The following WDR64 variants were observed in gnomAD, a reference collection of about 807,000 sequenced individuals.
WDR64 encodes WD repeat domain 64, also known as WD repeat-containing protein 64.
A neutral mutation model predicts 139.3 loss-of-function variants in WDR64; 112 were observed. The ratio of observed to expected loss-of-function variants is 0.80; its 90% CI spans 0.69 to 0.94. The LOEUF (loss-of-function observed/expected upper bound fraction) is 0.94, where lower values mean the gene tolerates loss of function less well. Ranked by LOEUF, WDR64 falls within the 40% of genes least tolerant of loss-of-function variation. The pLI is 0.00. For missense variants in WDR64, 1,206 were observed against 1,293.1 expected, an observed-to-expected ratio of 0.93 and a Z score of 1.03; for synonymous variants, 444 against 437.7, an observed-to-expected ratio of 1.01 and a Z score of -0.18.
chr1:241,704,535 C>G (rs1667860615), intron 8 of WDR64, among the ~76,000 whole-genome samples: 1 of 152,084 alleles, frequency 6.6e-6, no homozygotes. Context: ...TTATATGAGC[C>G]TTTCTACTTG....
At position 241,738,474 on chromosome 1, in the gene WDR64, G is replaced by C; in HGVS notation, c.1306G>C (p.Gly436Arg). 6.2e-7 allele frequency: 1 copy of C among 1,611,338 alleles called. No individual in the cohort carries two copies. Among genetic ancestry groups the C allele is most frequent in the Non-Finnish European group, 8.5e-7 (1 of 1,179,048 alleles). Residue 436 changes from glycine (G) to arginine (R), a missense_variant, in exon 11 of 28, where the codon GGC becomes CGC. Physicochemically the swap from Gly to Arg is moderately radical, Grantham distance 125. Coordinates refer to ENST00000437684, the MANE Select transcript of WDR64 (RefSeq NM_001367482.1). ...IYSMIYDANH[G>R]MLITGSSVMD... Reference sequence around the variant, plus strand: ...CTCTATGATATATGATGCCAATCATGGCATGCTTATTACGGGTAAGTGTAC... The same window carrying C: ...CTCTATGATATATGATGCCAATCATCGCATGCTTATTACGGGTAAGTGTAC...
In WDR64 at chr1:241,687,605, G is replaced by A; in HGVS notation, c.974+10G>A. ...GACTCGAGGATAATTTGTAAGTATAGTAATTTATATACATGAACAGTCTGT... is the reference window on the plus strand; with the variant it reads ...GACTCGAGGATAATTTGTAAGTATAATAATTTATATACATGAACAGTCTGT... On this transcript the variant is annotated intron_variant, in intron 8 of 27. Coordinates refer to ENST00000437684, the MANE Select transcript of WDR64 (RefSeq NM_001367482.1). 1.2e-6 allele frequency: 2 copies of A among 1,608,214 alleles called. No homozygotes were observed. The highest frequency in any genetic ancestry group is 1.7e-6 in the Non-Finnish European group (2 of 1,176,314).
intron 10 of WDR64, among the ~76,000 whole-genome samples, chr1:241,728,823 C>CTTCT (rs772463495): frequency 3.4e-5 from 5 of 148,630 alleles, no homozygotes; most frequent in African/African-American, 1.2e-4. Context: ...TTCTCTTCTT[C>CTTCT]TTTTTTTTTT....
intron 19 of WDR64, among the ~76,000 whole-genome samples, chr1:241,771,945 C>CATATACAT (rs1658462935): frequency 3.2e-5 from 2 of 62,420 alleles, no homozygotes; most frequent in Non-Finnish European, 5.4e-5. Context: ...TACATACATA[C>CATATACAT]ATATATATAT....
chr1:241,749,441 A>T (rs1349971660), intron 13 of WDR64, 106 bp from the exon 14 acceptor site: 1 of 1,325,534 alleles, frequency 7.5e-7, no homozygotes, highest in Non-Finnish European at 1.0e-6. Context: ...AATATAGGAT[A>T]AATTGTTGGC....
intron 5 of WDR64, 22 bp from the exon 6 acceptor site, chr1:241,679,463 C>T (rs1448880219): frequency 1.3e-6 from 2 of 1,541,996 alleles, no homozygotes; most frequent in Admixed American, 3.9e-5. Flanking sequence ...TTATATCCCC[C>T]AATTCTCTGC....
intron 2 of WDR64, among the ~76,000 whole-genome samples, chr1:241,670,792 T>G (rs1421128931): frequency 1.3e-5 from 2 of 152,134 alleles, no homozygotes; most frequent in Non-Finnish European, 2.9e-5. Context: ...CTTATGAGAA[T>G]CTAGTGCCTG....
chr1:241,795,704 C>A (rs1046926575), intron 26 of WDR64, among the ~76,000 whole-genome samples: 8 of 152,184 alleles, frequency 5.3e-5, no homozygotes, highest in Non-Finnish European at 1.0e-4. Flanking sequence ...CCCGTGCTGC[C>A]CCCCTGCCCA....
intron 9 of WDR64, among the ~76,000 whole-genome samples, chr1:241,713,455 A>C (rs1221176007): frequency 1.4e-5 from 2 of 143,796 alleles, no homozygotes; most frequent in African/African-American, 2.6e-5. Flanking sequence ...GAAAGGAAGG[A>C]AAGGAAGGAA....
intron 11 of WDR64, 41 bp downstream of exon 11, chr1:241,738,530 G>T: frequency 1.3e-6 from 2 of 1,569,442 alleles, no homozygotes; most frequent in South Asian, 2.4e-5. Context: ...CTCATGTCTT[G>T]ATTTTTAACC....
intron 8 of WDR64, among the ~76,000 whole-genome samples, chr1:241,695,167 A>G (rs1667435834): frequency 6.6e-6 from 1 of 152,256 alleles, no homozygotes; most frequent in Admixed American, 6.5e-5. Flanking sequence ...TATATAAGCT[A>G]GTAGTTCAAT....
chr1:241,663,360 T>G (rs915492693), intron 2 of WDR64, among the ~76,000 whole-genome samples: 4 of 152,218 alleles, frequency 2.6e-5, no homozygotes, highest in African/African-American at 7.2e-5. Flanking sequence ...TGAGGGGCCA[T>G]GTGCTCACAT....
Position 241,790,715 on chromosome 1 carries a change from AAAAAAAG to A in WDR64, c.2997+23_2997+29del. 6.5e-7 allele frequency: 1 copy of A among 1,546,956 alleles called. No homozygotes were observed. Among genetic ancestry groups the A allele is most frequent in the Non-Finnish European group, 8.7e-7 (1 of 1,147,022 alleles). ...TCCTAAGGTAGCTTAAAAAAAAAAAAAAAAAAGAAATGGCAACAACAACAAAACCTTT... is the reference window on the plus strand; with the variant it reads ...TCCTAAGGTAGCTTAAAAAAAAAAAAAAATGGCAACAACAACAAAACCTTT... On this transcript the variant is annotated intron_variant, in intron 25 of 27. Transcript: ENST00000437684.
At chr1:241,799,895 C>A (rs1047131269) in intron 27 of WDR64, among the ~76,000 whole-genome samples, 27 of 152,040 alleles carry the variant, frequency 1.8e-4, no homozygotes. Flanking sequence ...ATATAAAAAT[C>A]CATTTTTTCC....
intron 9 of WDR64, among the ~76,000 whole-genome samples, chr1:241,715,434 T>C (rs1337639567): frequency 3.9e-5 from 6 of 152,154 alleles, no homozygotes; most frequent in Non-Finnish European, 1.5e-5. Context: ...CAGTTTTTGG[T>C]TTGGATCACA....
chr1:241,744,064 T>G (rs1348990293), intron 12 of WDR64, among the ~76,000 whole-genome samples: 3 of 152,194 alleles, frequency 2.0e-5, no homozygotes, highest in East Asian at 3.9e-4. Context: ...TCATATTTCT[T>G]TTGTCTGCTG....
chr1:241,768,964 T>C (rs1366136055), intron 16 of WDR64, among the ~76,000 whole-genome samples: 1 of 152,174 alleles, frequency 6.6e-6, no homozygotes, highest in Non-Finnish European at 1.5e-5. Flanking sequence ...TAGAACTCTA[T>C]TATTTAAACT....
chr1:241,733,702 C>T (rs935884667), intron 10 of WDR64, among the ~76,000 whole-genome samples: 3 of 151,486 alleles, frequency 2.0e-5, no homozygotes, highest in Non-Finnish European at 4.4e-5. Flanking sequence ...ATGTTCCATT[C>T]TGCCCTGGCC....
At chr1:241,764,273 T>G (rs750237208) in intron 15 of WDR64, among the ~76,000 whole-genome samples, 5 of 152,138 alleles carry the variant, frequency 3.3e-5, no homozygotes, top group Non-Finnish European at 7.4e-5. Context: ...CAGCTCATCT[T>G]TGATGCTGCC....
Sources: allele counts gnomAD v4.1 joint callset (sites outside exome capture counted in the v4.1 genomes callset), GRCh38; gene constraint gnomAD v4.1.1; transcripts MANE v1.5; gene names NCBI Gene and HGNC (gene_info 2026-07-23, HGNC 2026-07-21).